AGBL3: variants seen among roughly 807,000 people sequenced by gnomAD.
The protein encoded by AGBL3 is cytosolic carboxypeptidase 3.
A neutral mutation model predicts 94.5 loss-of-function variants in AGBL3; 68 were observed. The ratio of observed to expected loss-of-function variants is 0.72; its 90% CI spans 0.59 to 0.88. AGBL3 has a LOEUF of 0.88. Ranked by LOEUF, AGBL3 falls within the 40% of genes least tolerant of loss-of-function variation. The probability of loss-of-function intolerance (pLI) is 0.00; values close to 1 mark genes in which losing one functional copy is unlikely to be tolerated. For synonymous variants in AGBL3, 354 were observed against 370.7 expected (o/e 0.95, Z 0.52); for missense variants, 934 against 1,103.8 (o/e 0.85, Z 2.18).
At chr7:135,031,714 G>A (rs1419161101) in intron 5 of AGBL3, among the ~76,000 whole-genome samples, 1 of 152,136 alleles carries the variant, frequency 6.6e-6, no homozygotes, top group Non-Finnish European at 1.5e-5. Context: ...CTTTACTCTT[G>A]AATGTGGTCC....
intron 4 of AGBL3, among the ~76,000 whole-genome samples, chr7:135,003,649 T>C (rs1020281828): frequency 2.6e-5 from 4 of 151,616 alleles, no homozygotes; most frequent in Admixed American, 2.6e-4. Flanking sequence ...TCCTTTATTA[T>C]AGTTTTAATT....
chr7:135,115,204 A>G (rs1473125106), intron 15 of AGBL3, among the ~76,000 whole-genome samples, 176 bp from the exon 16 acceptor site: 1 of 152,196 alleles, frequency 6.6e-6, no homozygotes, highest in African/African-American at 2.4e-5. Flanking sequence ...CGTAAACTTT[A>G]TCATTATCTA....
chr7:135,104,070 C>A (rs1001835258), intron 15 of AGBL3, among the ~76,000 whole-genome samples: 17 of 152,078 alleles, frequency 1.1e-4, no homozygotes, highest in Non-Finnish European at 2.1e-4. Flanking sequence ...CTCCTCCCAC[C>A]CTTCACCCTC....
At chr7:135,035,115 C>T (rs1816174178) in intron 7 of AGBL3, among the ~76,000 whole-genome samples, 187 bp downstream of exon 7, 1 of 141,170 alleles carries the variant, frequency 7.1e-6, no homozygotes, top group South Asian at 2.2e-4. Context: ...CCACTGGATT[C>T]ACTAACCTCC....
At chr7:134,999,521 C>T (rs971012964) in intron 4 of AGBL3, among the ~76,000 whole-genome samples, 1 of 152,192 alleles carries the variant, frequency 6.6e-6, no homozygotes, top group Non-Finnish European at 1.5e-5. Flanking sequence ...CCCACATGCC[C>T]ACCTCAAGTA....
At chr7:135,133,448 G>A (rs562281200) in intron 16 of AGBL3, among the ~76,000 whole-genome samples, 48 of 152,250 alleles carry the variant, frequency 3.2e-4, no homozygotes, top group African/African-American at 3.4e-4. Flanking sequence ...TTTATCTGCC[G>A]ATGCATTAAA....
intron 12 of AGBL3, among the ~76,000 whole-genome samples, chr7:135,061,447 C>A (rs895289975): frequency 5.3e-5 from 8 of 152,090 alleles, no homozygotes; most frequent in Admixed American, 5.2e-4. Context: ...AAGTTCATAT[C>A]CAAAAAAATG....
intron 4 of AGBL3, among the ~76,000 whole-genome samples, chr7:135,016,724 G>T (rs183189138): frequency 8.5e-5 from 13 of 152,288 alleles, no homozygotes; most frequent in Non-Finnish European, 1.6e-4. Context: ...GGTAGAGTAA[G>T]ATTTCCCAGA....
chr7:135,135,036 C>T lies in AGBL3; in HGVS notation c.2538C>T (p.Ala846=). The T allele has an allele frequency of 6.4e-7, 1 of 1,551,122 alleles. No homozygotes were observed. Among genetic ancestry groups the T allele is most frequent in the Non-Finnish European group, 8.7e-7 (1 of 1,146,640 alleles). ...AGAATAAACATTCTCAAATCTGGGC[C>T]ATAAAGAATGAAGACATAAAACCTC... ...PKKNKHSQIW[A]IKNEDIKPLS... The change falls in exon 17 of 17, where the codon GCC becomes GCT. Residue 846 remains alanine, a synonymous_variant. Coordinates refer to ENST00000436302, the MANE Select transcript of AGBL3 (RefSeq NM_178563.4).
At chr7:135,107,152 T>TC (rs397806788) in intron 15 of AGBL3, among the ~76,000 whole-genome samples, 3 of 151,958 alleles carry the variant, frequency 2.0e-5, no homozygotes, top group Non-Finnish European at 2.9e-5. Flanking sequence ...GATTTTTTTT[T>TC]CAAAAAGCCA....
intron 11 of AGBL3, among the ~76,000 whole-genome samples, chr7:135,046,187 CTTT>C (rs1308395645): frequency 6.6e-6 from 1 of 151,984 alleles, no homozygotes; most frequent in Non-Finnish European, 1.5e-5. Flanking sequence ...TTTTCTCTTT[CTTT>C]TTAATAGACT....
At chr7:135,097,526 G>A (rs904893672) in intron 15 of AGBL3, among the ~76,000 whole-genome samples, 2 of 152,008 alleles carry the variant, frequency 1.3e-5, no homozygotes, top group African/African-American at 4.8e-5. Context: ...TGTAAATTTT[G>A]GCATGTTTCA....
chr7:135,034,637 C>CT lies in AGBL3; in HGVS notation c.1047dup (p.Asp350Ter). On this transcript the variant is annotated frameshift_variant, in exon 7 of 17. Transcript: ENST00000436302. LOFTEE classifies it high-confidence loss of function. ...ACAATCACTACCCCCTTGAAGAACT[C>CT]TGACTCAAGAAAGCGGAAGGCTGTG... 6.4e-7 allele frequency: 1 copy of CT among 1,551,684 alleles called. No individual in the cohort carries two copies. The highest frequency in any genetic ancestry group is 8.7e-7 in the Non-Finnish European group (1 of 1,146,960).
chr7:135,115,802 GGCCTTATTTAATTGATTATTT>G, intron 16 of AGBL3, 191 bp downstream of exon 16: 1 of 522,006 alleles, frequency 1.9e-6, no homozygotes, highest in Non-Finnish European at 3.4e-6. Context: ...TAAGTTATCA[GGCCTTATTTAATTGATTATTT>G]GCATGAAACT....
At chr7:135,060,638 A>G (rs1176112241) in intron 12 of AGBL3, among the ~76,000 whole-genome samples, 1 of 152,098 alleles carries the variant, frequency 6.6e-6, no homozygotes, top group Admixed American at 6.6e-5. Flanking sequence ...TACTCCACAC[A>G]TAAGTGAGAA....
At chr7:135,128,455 C>G in intron 16 of AGBL3, 2 of 731,236 alleles carry the variant, frequency 2.7e-6, no homozygotes, top group East Asian at 5.0e-5. Flanking sequence ...GTCAGAAGAC[C>G]AAGAAGCTCA....
At chr7:135,109,877 C>A (rs893841110) in intron 15 of AGBL3, among the ~76,000 whole-genome samples, 9 of 152,210 alleles carry the variant, frequency 5.9e-5, no homozygotes, top group Admixed American at 1.3e-4. Context: ...GTGGCCCATC[C>A]TTTCTCGTGG....
At chr7:134,988,856 T>G (rs12671334) in intron 2 of AGBL3, among the ~76,000 whole-genome samples, 41,085 of 152,080 alleles carry the variant, frequency 0.27, 5,641 homozygotes, top group Middle Eastern at 0.38. Flanking sequence ...CAGGCTGGTC[T>G]CAAACTTCTG....
chr7:135,072,392 G>C (rs1463026203), intron 12 of AGBL3, among the ~76,000 whole-genome samples: 1 of 152,138 alleles, frequency 6.6e-6, no homozygotes, highest in Non-Finnish European at 1.5e-5. Flanking sequence ...AATACCATTT[G>C]ACCCAGCCTT....
Sources: allele counts gnomAD v4.1 joint callset (sites outside exome capture counted in the v4.1 genomes callset), GRCh38; gene constraint gnomAD v4.1.1; transcripts MANE v1.5; gene names NCBI Gene and HGNC (gene_info 2026-07-23, HGNC 2026-07-21).